C10orf90: variants seen among roughly 807,000 people sequenced by gnomAD.
C10orf90 encodes the protein (E2-independent) E3 ubiquitin-conjugating enzyme FATS.
Under a neutral mutation model 62.5 loss-of-function variants are expected in C10orf90, and 56 were observed. The ratio of observed to expected loss-of-function variants is 0.90; its 90% confidence interval spans 0.72 to 1.12. The LOEUF (loss-of-function observed/expected upper bound fraction) is 1.12, where lower values mean the gene tolerates loss of function less well. C10orf90 is among the 50% of genes most tolerant of loss of function. C10orf90 has a pLI of 0.00. For synonymous variants in C10orf90, 386 were observed against 340.4 expected, an observed-to-expected ratio of 1.13 and a Z score of -1.47; for missense variants, 970 against 880.4, an observed-to-expected ratio of 1.10 and a Z score of -1.29.
chr10:126,504,408 G>A lies in C10orf90; in HGVS notation c.1083C>T (p.Ile361=). Residue 361 remains isoleucine, a synonymous_variant, in exon 4 of 10, where the codon ATC becomes ATT. Transcript: ENST00000488181. The surrounding 1 kb of genome is among the most constrained non-coding windows in gnomAD (Gnocchi z 4.1). ...CGGAGAGAGACTTGTCTACGTAATA[G>A]ATTGAATCTGGACACTGCTGAGACA... ...LRVSQQCPDS[I]YYVDKSLSVP... 4 of 1,614,196 alleles carry A rather than the reference G, an allele frequency of 2.5e-6. No individual in the cohort carries two copies. The highest frequency in any genetic ancestry group is 3.4e-6 in the Non-Finnish European group (4 of 1,180,042).
intron 7 of C10orf90, among the ~76,000 whole-genome samples, chr10:126,433,974 A>T (rs1375337654): frequency 6.6e-6 from 1 of 152,214 alleles, no homozygotes. Flanking sequence ...TAAAATTACT[A>T]AGGTAAATTG....
At chr10:126,569,837 T>C (rs1275295887) in intron 2 of C10orf90, among the ~76,000 whole-genome samples, 2 of 152,130 alleles carry the variant, frequency 1.3e-5, no homozygotes, top group Admixed American at 1.3e-4. Context: ...TAACAAAGTT[T>C]ACAAGGGACC....
At chr10:126,647,275 G>A (rs2842165) in intron 1 of C10orf90, among the ~76,000 whole-genome samples, 88,300 of 151,990 alleles carry the variant, frequency 0.58, 25,767 homozygotes, top group African/African-American at 0.62. Flanking sequence ...GTCCCTTGGA[G>A]TATCCTGTGA....
At chr10:126,632,290 C>T (rs1174332862) in intron 2 of C10orf90, among the ~76,000 whole-genome samples, 1 of 151,968 alleles carries the variant, frequency 6.6e-6, no homozygotes, top group African/African-American at 2.4e-5. Flanking sequence ...GTTGCTGGGC[C>T]TCAGGCTCCC....
intron 2 of C10orf90, among the ~76,000 whole-genome samples, chr10:126,643,667 T>C (rs2133847557): frequency 6.6e-6 from 1 of 152,300 alleles, no homozygotes; most frequent in East Asian, 1.9e-4. Flanking sequence ...TACACCCCAG[T>C]GCCTCATCTT....
intron 1 of C10orf90, among the ~76,000 whole-genome samples, chr10:126,664,515 G>T (rs1005420017): frequency 6.6e-6 from 1 of 152,132 alleles, no homozygotes; most frequent in Non-Finnish European, 1.5e-5. Context: ...AATTGCCAAG[G>T]TCACTTAGCT....
At chr10:126,610,506 A>T (rs1345703062) in intron 2 of C10orf90, among the ~76,000 whole-genome samples, 1 of 152,188 alleles carries the variant, frequency 6.6e-6, no homozygotes, top group Non-Finnish European at 1.5e-5. Context: ...CAACTAATGG[A>T]CTACCATAGA....
chr10:126,649,034 GTCTCTCTCTC>G (rs1196569277), intron 1 of C10orf90, among the ~76,000 whole-genome samples: 47 of 26,610 alleles, frequency 1.8e-3, no homozygotes, highest in Non-Finnish European at 2.4e-3. Flanking sequence ...CTCTGTCTCT[GTCTCTCTCTC>G]TCTCTCTCTC....
At chr10:126,433,310 G>A (rs1382941264) in intron 7 of C10orf90, among the ~76,000 whole-genome samples, 1 of 152,174 alleles carries the variant, frequency 6.6e-6, no homozygotes. Flanking sequence ...GCCTTTAGAT[G>A]CCAAGAGCAA....
intron 2 of C10orf90, among the ~76,000 whole-genome samples, chr10:126,598,698 G>A (rs548854351): frequency 1.3e-5 from 2 of 152,162 alleles, no homozygotes; most frequent in South Asian, 2.1e-4. Flanking sequence ...ATCAACTCAC[G>A]GGTAAGCTTA....
At chr10:126,652,587 G>A (rs771747660) in intron 1 of C10orf90, among the ~76,000 whole-genome samples, 1 of 152,198 alleles carries the variant, frequency 6.6e-6, no homozygotes, top group Non-Finnish European at 1.5e-5. Context: ...GGTCTGCAGA[G>A]CGTTCACTCT....
intron 2 of C10orf90, among the ~76,000 whole-genome samples, chr10:126,530,093 A>G (rs1194437411): frequency 1.3e-5 from 2 of 152,206 alleles, no homozygotes; most frequent in Non-Finnish European, 2.9e-5. Context: ...TCAGTTTTTA[A>G]TGGTGTCAAA....
At chr10:126,485,957 A>AG (rs1479583318) in intron 4 of C10orf90, among the ~76,000 whole-genome samples, 2 of 152,026 alleles carry the variant, frequency 1.3e-5, no homozygotes, top group East Asian at 3.9e-4. Flanking sequence ...AAGAAAAAAA[A>AG]AAAACCTTAG....
intron 4 of C10orf90, among the ~76,000 whole-genome samples, chr10:126,499,139 A>G (rs1862243171): frequency 6.6e-6 from 1 of 152,210 alleles, no homozygotes; most frequent in Non-Finnish European, 1.5e-5. Flanking sequence ...TTATGTATTT[A>G]TGCATTGTTG....
chr10:126,540,932 T>C (rs1279983654), intron 2 of C10orf90, among the ~76,000 whole-genome samples: 3 of 152,222 alleles, frequency 2.0e-5, no homozygotes, highest in Non-Finnish European at 4.4e-5. Flanking sequence ...GATAATGTTA[T>C]AGTCCATATT....
chr10:126,621,742 C>T (rs1284599027), intron 2 of C10orf90, among the ~76,000 whole-genome samples: 1 of 152,160 alleles, frequency 6.6e-6, no homozygotes, highest in Non-Finnish European at 1.5e-5. Flanking sequence ...TCCACTCATT[C>T]TTGATATTAA....
chr10:126,594,783 G>T (rs902094687), intron 2 of C10orf90, among the ~76,000 whole-genome samples: 1 of 152,074 alleles, frequency 6.6e-6, no homozygotes, highest in African/African-American at 2.4e-5. Context: ...AGACAGGAAG[G>T]GTTTGCTGTG....
rs376117409 is a variant in C10orf90 at position 126,482,245 on chromosome 10, T to G, written c.1535-17259A>C. On this transcript the variant is annotated intron_variant, in intron 4 of 9. Coordinates refer to ENST00000488181, the MANE Select transcript of C10orf90 (RefSeq NM_001350921.2). ...ATAGGGGTATCAGTCCTGACTCTTATGAGGGGGAGGGGAAAGGGATCACTC... is the reference window on the plus strand; with the variant it reads ...ATAGGGGTATCAGTCCTGACTCTTAGGAGGGGGAGGGGAAAGGGATCACTC... 6.6e-5 allele frequency among the ~76,000 whole-genome samples: 10 copies of G among 152,334 alleles called. No homozygotes were observed. The East Asian group carries it at 1.7e-3, about 26-fold the overall frequency.
At chr10:126,494,000 C>T (rs1396382359) in intron 4 of C10orf90, among the ~76,000 whole-genome samples, 3 of 152,172 alleles carry the variant, frequency 2.0e-5, no homozygotes, top group South Asian at 4.1e-4. Context: ...GCTCTAATTT[C>T]GGAACTGCAG....
Sources: allele counts gnomAD v4.1 joint callset (sites outside exome capture counted in the v4.1 genomes callset), GRCh38; gene constraint gnomAD v4.1.1; non-coding constraint Gnocchi (gnomAD v3.1); transcripts MANE v1.5; gene names NCBI Gene and HGNC (gene_info 2026-07-23, HGNC 2026-07-21).